Variants in GDPD4 observed in about 807,000 individuals in gnomAD.
GDPD4 encodes glycerophosphodiester phosphodiesterase 6.
A neutral mutation model predicts 67.8 loss-of-function variants in GDPD4; 60 were observed. That is an observed-to-expected ratio of 0.88 (90% CI 0.72 to 1.10). The LOEUF (loss-of-function observed/expected upper bound fraction) is 1.10. Among genes scored for constraint, GDPD4 ranks in the 50% least tolerant of loss-of-function variants. The pLI is 0.00. For missense variants in GDPD4, 623 were observed against 613.9 expected, an observed-to-expected ratio of 1.01 and a Z score of -0.16; for synonymous variants, 212 against 210.9, an observed-to-expected ratio of 1.00 and a Z score of -0.04.
chr11:77,290,820 C>T (rs912114319), intron 1 of GDPD4, among the ~76,000 whole-genome samples: 1 of 152,116 alleles, frequency 6.6e-6, no homozygotes, highest in Admixed American at 6.5e-5. Flanking sequence ...ATCAACACCA[C>T]AGTGAGACAT....
chr11:77,243,615 A>C, intron 13 of GDPD4, 79 bp downstream of exon 13: 1 of 1,196,242 alleles, frequency 8.4e-7, no homozygotes, highest in Non-Finnish European at 1.2e-6. Context: ...GGAAAGGGGA[A>C]GTTAAGAAGT....
chr11:77,217,198 C>CGGGTAGAGGGCTGCTAGAGTCCAAG lies in GDPD4; in HGVS notation c.*54_*78dup. 1 of 1,066,882 alleles carries CGGGTAGAGGGCTGCTAGAGTCCAAG rather than the reference C, an allele frequency of 9.4e-7. No individual in the cohort carries two copies. The highest frequency in any genetic ancestry group is 2.4e-5 in the East Asian group (1 of 42,338). 66.1% of individuals were successfully genotyped at this position (1,066,882 alleles called of 1,614,324 possible). ...GTTCCTTTCCACTCTTGGGTAGAGCCGGGTAGAGGGCTGCTAGAGTCCAAG... is the reference window on the plus strand; with the variant it reads ...GTTCCTTTCCACTCTTGGGTAGAGCCGGGTAGAGGGCTGCTAGAGTCCAAGGGGTAGAGGGCTGCTAGAGTCCAAG... On this transcript the variant is annotated 3_prime_UTR_variant, in exon 17 of 17. Coordinates refer to ENST00000315938, the MANE Select transcript of GDPD4 (RefSeq NM_182833.3).
rs761293382 is a variant in GDPD4, at chr11:77,243,737, T to C, written c.1198A>G (p.Ile400Val). Residue 400 changes from isoleucine to valine, a missense_variant, in exon 13 of 17, where the codon ATA becomes GTA. By Grantham distance (29) the Ile-to-Val change is conservative. Transcript: ENST00000315938. ...IETLAKNNIS[I>V]INVDYKKLFP... Reference sequence around the variant, plus strand: ...AACTTCTTGTAGTCAACATTTATTATACTGATATTGTTTTTAGCAAGGGTT... The same window carrying C: ...AACTTCTTGTAGTCAACATTTATTACACTGATATTGTTTTTAGCAAGGGTT... The C allele has an allele frequency of 1.3e-6, 2 of 1,598,690 alleles. No homozygotes were observed. The highest frequency in any genetic ancestry group is 1.7e-6 in the Non-Finnish European group (2 of 1,169,446).
chr11:77,218,435 A>C (rs1263797272), intron 16 of GDPD4, among the ~76,000 whole-genome samples: 7 of 152,160 alleles, frequency 4.6e-5, no homozygotes, highest in Non-Finnish European at 1.0e-4. Flanking sequence ...ACATGTGCAC[A>C]ATGTGCAGGT....
At chr11:77,267,197 T>C (rs1959182063) in intron 10 of GDPD4, among the ~76,000 whole-genome samples, 1 of 152,244 alleles carries the variant, frequency 6.6e-6, no homozygotes, top group Admixed American at 6.5e-5. Flanking sequence ...TAACATGCTG[T>C]ACAGGCTTGC....
At chr11:77,237,206 G>A (rs961784366) in intron 13 of GDPD4, among the ~76,000 whole-genome samples, 3 of 152,076 alleles carry the variant, frequency 2.0e-5, no homozygotes, top group African/African-American at 7.2e-5. Context: ...ATTACTCTGG[G>A]CCACAGAGTA....
At chr11:77,242,090 T>C (rs1016285858) in intron 13 of GDPD4, among the ~76,000 whole-genome samples, 2 of 298 alleles carry the variant, frequency 6.7e-3, no homozygotes, top group Admixed American at 0.033. Flanking sequence ...TTCAGTTAGA[T>C]AGAGGGAAAT....
Position 77,222,522 on chromosome 11 carries a change from ATTCTT to A in GDPD4, c.1526-5213_1526-5209del, listed in dbSNP as rs375194267. Among the ~76,000 whole-genome samples the A allele has an allele frequency of 9.5e-3, 1,441 of 152,232 alleles. 30 individuals are homozygous for A. Among genetic ancestry groups the A allele is most frequent in the African/African-American group, 0.03 (1,245 of 41,502 alleles). Reference sequence around the variant, plus strand: ...CTGGATATGAAATTCTGGGTTGAAAATTCTTTTCTTTTCTTTAAGAATGTTGAATA... The same window carrying A: ...CTGGATATGAAATTCTGGGTTGAAAATTCTTTTCTTTAAGAATGTTGAATA... On this transcript the variant is annotated intron_variant, in intron 16 of 16. Coordinates refer to ENST00000315938, the MANE Select transcript of GDPD4 (RefSeq NM_182833.3).
chr11:77,276,976 C>T (rs116363137), intron 4 of GDPD4, among the ~76,000 whole-genome samples: 1 of 151,916 alleles, frequency 6.6e-6, no homozygotes, highest in Non-Finnish European at 1.5e-5. Context: ...TACATAGTAC[C>T]TAAAGATAGA....
At chr11:77,294,128 G>A (rs962865515) in intron 1 of GDPD4, among the ~76,000 whole-genome samples, 12 of 152,072 alleles carry the variant, frequency 7.9e-5, no homozygotes, top group Non-Finnish European at 1.3e-4. Flanking sequence ...TTTACATCAC[G>A]AAACAGCAAA....
At chr11:77,276,615 G>A (rs1418185516) in intron 4 of GDPD4, among the ~76,000 whole-genome samples, 1 of 152,182 alleles carries the variant, frequency 6.6e-6, no homozygotes, top group African/African-American at 2.4e-5. Context: ...GAAAGGTCAG[G>A]AGGCAGCCCT....
chr11:77,246,627 C>T (rs558885555), intron 11 of GDPD4, among the ~76,000 whole-genome samples: 8 of 152,044 alleles, frequency 5.3e-5, no homozygotes, highest in Non-Finnish European at 8.8e-5. Flanking sequence ...GGAAGAATAA[C>T]CTATATATTT....
intron 10 of GDPD4, among the ~76,000 whole-genome samples, chr11:77,260,040 G>A (rs1458114891): frequency 6.6e-6 from 1 of 152,114 alleles, no homozygotes; most frequent in African/African-American, 2.4e-5. Flanking sequence ...GGGATAATTG[G>A]CCAGGCGCGG....
At chr11:77,230,463 T>C (rs908684015) in intron 14 of GDPD4, among the ~76,000 whole-genome samples, 1 of 152,184 alleles carries the variant, frequency 6.6e-6, no homozygotes, top group Non-Finnish European at 1.5e-5. Context: ...AGATTAGGTG[T>C]AGGTGAAACA....
chr11:77,289,419 AAGAG>A (rs368035772), intron 1 of GDPD4, among the ~76,000 whole-genome samples: 6 of 148,370 alleles, frequency 4.0e-5, no homozygotes, highest in African/African-American at 1.5e-4. Flanking sequence ...CAGAGAGAGA[AAGAG>A]AGAGAGAAGG....
chr11:77,257,796 T>C (rs977173826), intron 11 of GDPD4, among the ~76,000 whole-genome samples: 1 of 152,156 alleles, frequency 6.6e-6, no homozygotes, highest in African/African-American at 2.4e-5. Context: ...CCATTATTAG[T>C]CTATACATCT....
intron 16 of GDPD4, among the ~76,000 whole-genome samples, chr11:77,226,580 A>G (rs1048038507): frequency 6.6e-6 from 1 of 152,228 alleles, no homozygotes; most frequent in Non-Finnish European, 1.5e-5. Flanking sequence ...CAGAACTGTG[A>G]GAAAATAAAT....
chr11:77,265,620 C>A (rs1959174581), intron 10 of GDPD4, among the ~76,000 whole-genome samples: 1 of 152,124 alleles, frequency 6.6e-6, no homozygotes, highest in Non-Finnish European at 1.5e-5. Flanking sequence ...CTGATAAAAT[C>A]TGTGACCTCA....
chr11:77,242,938 T>TATAGATC (rs1958700749), intron 13 of GDPD4, among the ~76,000 whole-genome samples: 1 of 60,854 alleles, frequency 1.6e-5, no homozygotes, highest in African/African-American at 4.2e-5. Context: ...TATAATCTAT[T>TATAGATC]ATAGATAGGT....
Sources: allele counts gnomAD v4.1 joint callset (sites outside exome capture counted in the v4.1 genomes callset), GRCh38; gene constraint gnomAD v4.1.1; transcripts MANE v1.5; gene names NCBI Gene and HGNC (gene_info 2026-07-23, HGNC 2026-07-21).